Variants in BRAF observed in about 807,000 individuals in gnomAD.
The protein encoded by BRAF is B-Raf proto-oncogene, serine/threonine kinase, also known as serine/threonine-protein kinase B-raf.
In BRAF, 16 loss-of-function variants were observed where a neutral mutation model predicts 104.6. The ratio of observed to expected loss-of-function variants is 0.15; its 90% CI spans 0.10 to 0.23. BRAF has a LOEUF of 0.23. BRAF is among the 10% of genes least tolerant of loss of function. The pLI, the probability that BRAF is intolerant of heterozygous loss-of-function variation, is 1.00. For missense variants in BRAF, 541 were observed against 937.3 expected, an observed-to-expected ratio of 0.58 and a Z score of 5.52; for synonymous variants, 310 against 341.6, an observed-to-expected ratio of 0.91 and a Z score of 1.02.
At chr7:140,785,950 T>C (rs1801308960) in intron 9 of BRAF, 1 of 394,438 alleles carries the variant, frequency 2.5e-6, no homozygotes, top group Non-Finnish European at 4.5e-6. Context: ...CTTATTTTCA[T>C]AAAATCCCAA....
rs1366102940 is a variant in BRAF, at chr7:140,806,711, C to T, written c.711+1249G>A. Among the ~76,000 whole-genome samples, 7 of 152,150 alleles carry T rather than the reference C, an allele frequency of 4.6e-5. No homozygotes were observed. In the East Asian group the frequency reaches 1.2e-3, roughly 25 times the overall value. Reference sequence around the variant, plus strand: ...CTTAAATAAAAATGTTAAGATTTATCCACTTAAAATTCAACATGTTAAAAA... The same window carrying T: ...CTTAAATAAAAATGTTAAGATTTATTCACTTAAAATTCAACATGTTAAAAA... On this transcript the variant is annotated intron_variant, in intron 5 of 19. Transcript: ENST00000644969.
chr7:140,908,597 C>A (rs1292640746), intron 1 of BRAF, among the ~76,000 whole-genome samples: 1 of 152,124 alleles, frequency 6.6e-6, no homozygotes, highest in Non-Finnish European at 1.5e-5. Context: ...ACTGTGAAGG[C>A]TAAAACTGTG....
intron 1 of BRAF, among the ~76,000 whole-genome samples, chr7:140,877,035 G>C (rs1375810049): frequency 1.3e-5 from 2 of 151,994 alleles, no homozygotes; most frequent in African/African-American, 4.8e-5. Context: ...AATAATCTTT[G>C]AGTCAAATGG....
chr7:140,716,571 T>A (rs1047224651), downstream of BRAF, among the ~76,000 whole-genome samples: 2 of 152,146 alleles, frequency 1.3e-5, no homozygotes, highest in African/African-American at 4.8e-5. Flanking sequence ...GTCAAAAATA[T>A]GCCAAAGCAA....
intron 14 of BRAF, among the ~76,000 whole-genome samples, chr7:140,773,830 T>G (rs1208127378): frequency 6.6e-6 from 1 of 152,218 alleles, no homozygotes; most frequent in African/African-American, 2.4e-5. Context: ...GGGGTCTAAG[T>G]CTATGATCAC....
chr7:140,802,031 G>A (rs998093301), intron 5 of BRAF, among the ~76,000 whole-genome samples: 1 of 152,106 alleles, frequency 6.6e-6, no homozygotes. Context: ...TTGGGGGAGA[G>A]GAGGGAGAGG....
Position 140,723,053 on chromosome 7 carries a change from A to C in BRAF, c.*3441T>G. The stretch of plus-strand genomic sequence containing the variant: ...GACTTTTCATATTTTAAAATAAATA[A>C]CTATTCATTACCTCATTCTGAAGAG... On this transcript the variant is annotated 3_prime_UTR_variant, in exon 20 of 20. Coordinates refer to ENST00000644969, the MANE Select transcript of BRAF (RefSeq NM_001374258.1). The C allele has an allele frequency of 9.5e-7, 1 of 1,051,354 alleles. No homozygotes were observed. Among genetic ancestry groups the C allele is most frequent in the Non-Finnish European group, 1.1e-6 (1 of 870,550 alleles). The allele number at this position is 1,051,354 out of a possible 1,614,324, so 65.1% of individuals were successfully genotyped here.
Position 140,734,617 on chromosome 7 carries a change from C to T in BRAF, c.2401G>A (p.Gly801Arg), listed in dbSNP as rs2130867562. Residue 801 changes from glycine (G) to arginine (R), a missense_variant and splice_region_variant, in exon 19 of 20, where the codon GGA becomes AGA. Gly to Arg is a moderately radical substitution (Grantham distance 125, BLOSUM62 -2). Coordinates refer to ENST00000644969, the MANE Select transcript of BRAF (RefSeq NM_001374258.1). ...PKTPIQAGGY[G>R]EFAAFK ...TTGTTTCAGTGGACAGGAAACGCAC[C>T]ATATCCCCCTGCCTGGATGGGTGTT... The T allele has an allele frequency of 1.2e-6, 2 of 1,613,578 alleles. No individual in the cohort carries two copies. The highest frequency in any genetic ancestry group is 1.7e-6 in the Non-Finnish European group (2 of 1,179,920).
intron 8 of BRAF, among the ~76,000 whole-genome samples, chr7:140,791,980 AATAAAG>A (rs1293296575): frequency 2.6e-5 from 4 of 152,206 alleles, no homozygotes; most frequent in African/African-American, 9.6e-5. Flanking sequence ...TTAACAGTAA[AATAAAG>A]ATAATCATAG....
At position 140,903,151 on chromosome 7, in the gene BRAF, C is replaced by A. The variant is rs1465060086; in HGVS notation, c.138+21415G>T. Among the ~76,000 whole-genome samples, 8 of 152,132 alleles carry A rather than the reference C, an allele frequency of 5.3e-5. No homozygotes were observed. In the East Asian group the frequency reaches 1.5e-3, roughly 29 times the overall value. On this transcript the variant is annotated intron_variant, in intron 1 of 19. Coordinates refer to ENST00000644969, the MANE Select transcript of BRAF (RefSeq NM_001374258.1). ...ATGTTGGCCAGGCTGGTCTTGAACT[C>A]CCGGCCTCAGGTGATCCGCCCACCT... is the stretch of plus-strand genomic sequence containing the variant.
chr7:140,724,301 C>T lies in BRAF; in HGVS notation c.*2193G>A. 1 of 1,057,480 alleles carries T rather than the reference C, an allele frequency of 9.5e-7. No individual in the cohort carries two copies. Among genetic ancestry groups the T allele is most frequent in the Non-Finnish European group, 1.1e-6 (1 of 874,452 alleles). 65.5% of individuals were successfully genotyped at this position (1,057,480 alleles called of 1,614,324 possible). On this transcript the variant is annotated 3_prime_UTR_variant, in exon 20 of 20. Coordinates refer to ENST00000644969, the MANE Select transcript of BRAF (RefSeq NM_001374258.1). ...CATCCTCTTGTTCAAGCCCAGGTCTCTCTACCTGCGGAAACTTGAAGCCAA... is the reference window on the plus strand; with the variant it reads ...CATCCTCTTGTTCAAGCCCAGGTCTTTCTACCTGCGGAAACTTGAAGCCAA...
intron 1 of BRAF, among the ~76,000 whole-genome samples, chr7:140,860,508 G>A (rs938602566): frequency 1.3e-5 from 2 of 150,720 alleles, no homozygotes; most frequent in African/African-American, 2.5e-5. Context: ...AGTTGGATGC[G>A]GTACCACATA....
chr7:140,768,460 C>G (rs1383640015), intron 14 of BRAF, among the ~76,000 whole-genome samples: 4 of 152,106 alleles, frequency 2.6e-5, no homozygotes, highest in African/African-American at 9.7e-5. Flanking sequence ...GGGTCTGGGT[C>G]ATGAGGAATG....
intron 4 of BRAF, among the ~76,000 whole-genome samples, chr7:140,808,627 ACT>A (rs1362632135): frequency 6.6e-6 from 1 of 152,036 alleles, no homozygotes; most frequent in Admixed American, 6.6e-5. Context: ...AATAAATCAC[ACT>A]CTGAATGGTT....
At chr7:140,903,520 CAAG>C (rs1226679927) in intron 1 of BRAF, among the ~76,000 whole-genome samples, 13 of 152,278 alleles carry the variant, frequency 8.5e-5, no homozygotes, top group African/African-American at 3.1e-4. Context: ...TGGAGAGCTA[CAAG>C]AAGATGAACG....
intron 3 of BRAF, among the ~76,000 whole-genome samples, chr7:140,813,721 G>A (rs752607561): frequency 6.6e-6 from 1 of 152,056 alleles, no homozygotes; most frequent in Non-Finnish European, 1.5e-5. Flanking sequence ...TTCCAGAATG[G>A]CCTACATAAA....
chr7:140,822,848 A>T (rs1197213315), intron 3 of BRAF, among the ~76,000 whole-genome samples: 1 of 152,166 alleles, frequency 6.6e-6, no homozygotes, highest in African/African-American at 2.4e-5. Flanking sequence ...GGGGGTGGAC[A>T]GGGTCTTGCT....
At chr7:140,869,560 G>C (rs942768065) in intron 1 of BRAF, among the ~76,000 whole-genome samples, 1 of 151,760 alleles carries the variant, frequency 6.6e-6, no homozygotes, top group Non-Finnish European at 1.5e-5. Context: ...TTGAACCTGG[G>C]AGACAGAGGT....
chr7:140,713,937 G>T, the BRAF span, among the ~76,000 whole-genome samples: 1 of 152,122 alleles, frequency 6.6e-6, no homozygotes, highest in African/African-American at 2.4e-5. Context: ...TTGGTGAACC[G>T]CAAATGCTGC....
Sources: gnomAD v4.1 joint callset for allele counts (sites outside exome capture counted in the v4.1 genomes callset) on GRCh38, gnomAD v4.1.1 for gene constraint, MANE v1.5 for transcripts, NCBI Gene and HGNC (gene_info 2026-07-23, HGNC 2026-07-21) for gene names.